Variants in PPP1R13L observed in about 807,000 individuals in gnomAD.
PPP1R13L encodes the protein relA-associated inhibitor.
In PPP1R13L, 50 loss-of-function variants were observed where a neutral mutation model predicts 80.9. The ratio of observed to expected loss-of-function variants is 0.62; its 90% CI spans 0.49 to 0.78. The LOEUF (loss-of-function observed/expected upper bound fraction) is 0.78. PPP1R13L is among the 30% of genes least tolerant of loss of function. PPP1R13L has a pLI of 0.00. For missense variants in PPP1R13L, 1,200 were observed against 1,205.9 expected, an observed-to-expected ratio of 1.00 and a Z score of 0.07; for synonymous variants, 602 against 534.3, an observed-to-expected ratio of 1.13 and a Z score of -1.75.
chr19:45,405,239 C>CACAG (rs1973310751), upstream of PPP1R13L, among the ~76,000 whole-genome samples: 1 of 152,146 alleles, frequency 6.6e-6, no homozygotes, highest in African/African-American at 2.4e-5. Flanking sequence ...GAGTCCATTT[C>CACAG]ACAGACAGGA....
At chr19:45,399,417 G>A (rs1599778356) in intron 1 of PPP1R13L, among the ~76,000 whole-genome samples, 1 of 149,040 alleles carries the variant, frequency 6.7e-6, no homozygotes. Context: ...GAGGTCAGGA[G>A]AGCGAGACCA....
Position 45,396,832 on chromosome 19 carries a change from C to T in PPP1R13L, c.425G>A (p.Arg142Gln), listed in dbSNP as rs761071550. 3.4e-6 allele frequency: 5 copies of T among 1,488,940 alleles called. No homozygotes were observed. Among genetic ancestry groups the T allele is most frequent in the South Asian group, 1.3e-5 (1 of 78,028 alleles). 92.2% of individuals were successfully genotyped at this position (1,488,940 alleles called of 1,614,324 possible). A position where few individuals can be genotyped will look rare whatever the true frequency, so the allele number is the denominator to read the frequency against. Residue 142 changes from arginine to glutamine, a missense_variant, in exon 4 of 13, where the codon CGG (arginine) becomes CAG (glutamine). Around this residue, in one of 5 missense-constraint regions of PPP1R13L, gnomAD observed 764 missense variants for 714.5 expected, o/e 1.07. Coordinates refer to ENST00000360957, the MANE Select transcript of PPP1R13L (RefSeq NM_006663.4). The surrounding 1 kb of genome is among the most constrained non-coding windows in gnomAD (Gnocchi z 5.3). ...GCCTGCGCCATCGAAGGCGCGGGGC[C>T]GGGGCGAGGTCGCGCGGTCCAGGCT... ...YGSLDRATSP[R>Q]PRAFDGAGSS...
chr19:45,405,713 T>C (rs1568565661), upstream of PPP1R13L, among the ~76,000 whole-genome samples: 1 of 152,106 alleles, frequency 6.6e-6, no homozygotes, highest in East Asian at 1.9e-4. Context: ...GTGCCCCAAT[T>C]CTGGAGTAGG....
intron 8 of PPP1R13L, among the ~76,000 whole-genome samples, chr19:45,389,789 A>ATTTATT (rs1376788164): frequency 6.6e-6 from 1 of 151,754 alleles, no homozygotes; most frequent in Non-Finnish European, 1.5e-5. Context: ...TTATTTATTT[A>ATTTATT]TTTATTTTTA....
upstream of PPP1R13L, chr19:45,406,241 C>G: frequency 1.0e-6 from 1 of 973,280 alleles, no homozygotes. This position sits in a 1 kb window ranked among gnomAD's most constrained non-coding sequence, Gnocchi z 4.2. Context: ...CTGGGCCTCC[C>G]CAGAAGACAT....
In PPP1R13L at chr19:45,387,839, T is replaced by C. The variant is rs540331892; in HGVS notation, c.1816-1659A>G. Among the ~76,000 whole-genome samples the C allele has an allele frequency of 3.9e-5, 6 of 152,208 alleles. No individual in the cohort carries two copies. The South Asian group carries it at 8.3e-4, about 21-fold the overall frequency. ...GTGCTGGGATTACAGGTGTGAGCCA[T>C]CATGCCTGACCTAGAATTTCATTTT... On this transcript the variant is annotated intron_variant, in intron 8 of 12. Coordinates refer to ENST00000360957, the MANE Select transcript of PPP1R13L (RefSeq NM_006663.4).
chr19:45,391,985 A>G lies in PPP1R13L; in HGVS notation c.1710T>C (p.Thr570=). The change falls in exon 8 of 13, where the codon ACT becomes ACC. Residue 570 remains threonine (T), a synonymous_variant. Transcript: ENST00000360957. The part of the protein sequence containing the change: ...GGPEPELSPI[T]EGSEARAGPP... Reference sequence around the variant, plus strand: ...GCCCTGCCCTGGCCTCAGATCCCTCAGTGATGGGGGACAGCTCTGGCTCCG... The same window carrying G: ...GCCCTGCCCTGGCCTCAGATCCCTCGGTGATGGGGGACAGCTCTGGCTCCG... The G allele has an allele frequency of 6.5e-7, 1 of 1,528,168 alleles. No individual in the cohort carries two copies. Among genetic ancestry groups the G allele is most frequent in the Non-Finnish European group, 8.8e-7 (1 of 1,140,478 alleles). 94.7% of individuals were successfully genotyped at this position (1,528,168 alleles called of 1,614,324 possible). A position where few individuals can be genotyped will look rare whatever the true frequency, so the allele number is the denominator to read the frequency against.
intron 8 of PPP1R13L, among the ~76,000 whole-genome samples, chr19:45,386,398 C>G (rs1472036804): frequency 1.3e-5 from 2 of 152,000 alleles, no homozygotes; most frequent in Non-Finnish European, 2.9e-5. Flanking sequence ...GAATCTTGGG[C>G]CCTGAAACTT....
intron 8 of PPP1R13L, among the ~76,000 whole-genome samples, chr19:45,390,569 C>A (rs928040982): frequency 3.9e-5 from 6 of 152,126 alleles, no homozygotes; most frequent in African/African-American, 1.4e-4. Flanking sequence ...TCACGTGGAC[C>A]CCTTAGCGTT....
Position 45,396,337 on chromosome 19 carries a change from C to G in PPP1R13L, c.811+1G>C. The G allele has an allele frequency of 6.2e-7, 1 of 1,614,100 alleles. No individual in the cohort carries two copies. Among genetic ancestry groups the G allele is most frequent in the Non-Finnish European group, 8.5e-7 (1 of 1,180,018 alleles). On this transcript the variant is annotated splice_donor_variant, in intron 5 of 12. Coordinates refer to ENST00000360957, the MANE Select transcript of PPP1R13L (RefSeq NM_006663.4). LOFTEE classifies it high-confidence loss of function. The surrounding 1 kb of genome is among the most constrained non-coding windows in gnomAD (Gnocchi z 5.3). ...CCATTCCCCGGGCCTCCACCACTCA[C>G]GTTCATAGCTCGCTGTCTGCGAAGG...
chr19:45,398,290 C>T lies in PPP1R13L; in HGVS notation c.29G>A (p.Arg10Gln), dbSNP rs749419400. Residue 10 changes from arginine to glutamine, a missense_variant, in exon 2 of 13, where the codon CGG (arginine) becomes CAG (glutamine). Arg to Gln is a conservative substitution (Grantham distance 43). Around this residue, in one of 5 missense-constraint regions of PPP1R13L, gnomAD observed 764 missense variants for 714.5 expected, o/e 1.07. Coordinates refer to ENST00000360957, the MANE Select transcript of PPP1R13L (RefSeq NM_006663.4). ...CTGGAAGTTCATGTCCAGAAAGTCC[C>T]GCGCGCTCTGGAATGCCTCGCTGTC... is the stretch of plus-strand genomic sequence containing the variant. The part of the protein sequence containing the change: MDSEAFQSA[R>Q]DFLDMNFQSL... 6.2e-7 allele frequency: 1 copy of T among 1,613,948 alleles called. No homozygotes were observed. Among genetic ancestry groups the T allele is most frequent in the Admixed American group, 1.7e-5 (1 of 60,022 alleles).
chr19:45,396,090 A>G lies in PPP1R13L; in HGVS notation c.903+78T>C. The G allele has an allele frequency of 1.4e-6, 2 of 1,475,154 alleles. No individual in the cohort carries two copies. Among genetic ancestry groups the G allele is most frequent in the South Asian group, 1.2e-5 (1 of 80,970 alleles). The allele number at this position is 1,475,154 out of a possible 1,614,324, so 91.4% of individuals were successfully genotyped here. On this transcript the variant is annotated intron_variant, in intron 6 of 12. Coordinates refer to ENST00000360957, the MANE Select transcript of PPP1R13L (RefSeq NM_006663.4). This position sits in a 1 kb window ranked among gnomAD's most constrained non-coding sequence, Gnocchi z 5.3. ...GACCCAGATCGCAGCCCCGAGGGGG[A>G]GACTGGCCTTGACCCCGCTCCCCCA... is the stretch of plus-strand genomic sequence containing the variant.
At chr19:45,382,996 C>CTTTTTTT (rs60366714) in intron 11 of PPP1R13L, among the ~76,000 whole-genome samples, 1,589 of 126,218 alleles carry the variant, frequency 0.013, 85 homozygotes, top group African/African-American at 0.046. Flanking sequence ...TCTTTTCTTT[C>CTTTTTTT]TTTTTTTTTT....
intron 1 of PPP1R13L, among the ~76,000 whole-genome samples, chr19:45,403,208 C>A (rs182495615): frequency 6.6e-6 from 1 of 152,288 alleles, no homozygotes; most frequent in East Asian, 1.9e-4. Flanking sequence ...ATAAAGTTCA[C>A]ACATACAGGA....
chr19:45,379,991 A>G lies in PPP1R13L; in HGVS notation c.*199T>C. On this transcript the variant is annotated 3_prime_UTR_variant, in exon 13 of 13. Coordinates refer to ENST00000360957, the MANE Select transcript of PPP1R13L (RefSeq NM_006663.4). ...TTTCCAGCCCTTCCCAGACCTCCCA[A>G]GGCTAAGGCAGATTACTAAATTTAA... The G allele has an allele frequency of 1.8e-6, 1 of 554,182 alleles. No homozygotes were observed. Among genetic ancestry groups the G allele is most frequent in the Non-Finnish European group, 3.1e-6 (1 of 319,894 alleles). The allele number at this position is 554,182 out of a possible 1,614,324, so 34.3% of individuals were successfully genotyped here.
chr19:45,397,468 C>CTTTCT (rs1294884126), intron 3 of PPP1R13L, among the ~76,000 whole-genome samples: 1 of 86,614 alleles, frequency 1.2e-5, no homozygotes, highest in Non-Finnish European at 2.4e-5. Flanking sequence ...TGCTTTCTCT[C>CTTTCT]TCTCTCTTTC....
intron 7 of PPP1R13L, chr19:45,392,672 T>A: frequency 4.8e-6 from 2 of 419,424 alleles, no homozygotes; most frequent in Non-Finnish European, 8.9e-6. Context: ...CCCAAAGCCA[T>A]GCAGTTGGGA....
intron 7 of PPP1R13L, chr19:45,395,235 G>C (rs1973057444): frequency 1.5e-6 from 1 of 674,092 alleles, no homozygotes; most frequent in Non-Finnish European, 2.6e-6. Context: ...AGGCAGTCTG[G>C]CTTCAGGGTC....
At position 45,394,430 on chromosome 19, in the gene PPP1R13L, C is replaced by T. The variant is rs34360574; in HGVS notation, c.1354+1006G>A. On this transcript the variant is annotated intron_variant, in intron 7 of 12. Coordinates refer to ENST00000360957, the MANE Select transcript of PPP1R13L (RefSeq NM_006663.4). ...AACTGCTAGGATTACAAGGGTGAGC[C>T]ACGGTGCCTGGCTAATATGGTAGCT... Among the ~76,000 whole-genome samples the T allele has an allele frequency of 1.2e-3, 178 of 152,026 alleles. 1 individual carries two copies. The highest frequency in any genetic ancestry group is 4.1e-3 in the African/African-American group (168 of 41,458).
Sources: gnomAD v4.1 joint callset for allele counts (sites outside exome capture counted in the v4.1 genomes callset) on GRCh38, gnomAD v4.1.1 for gene constraint, gnomAD v4.1.1 regional missense constraint, Gnocchi (gnomAD v3.1) non-coding constraint, MANE v1.5 for transcripts, NCBI Gene and HGNC (gene_info 2026-07-23, HGNC 2026-07-21) for gene names.